SEMA4C: variants seen among roughly 807,000 people sequenced by gnomAD.
SEMA4C encodes semaphorin-4C.
In SEMA4C, 19 loss-of-function variants were observed where a neutral mutation model predicts 89.0. That is an observed-to-expected ratio of 0.21 (90% CI 0.15 to 0.31). SEMA4C has a LOEUF of 0.31. Ranked by LOEUF, SEMA4C falls within the 10% of genes least tolerant of loss-of-function variation. The pLI is 1.00. For missense variants in SEMA4C, 811 were observed against 1,107.0 expected (o/e 0.73, Z 3.79); for synonymous variants, 428 against 472.7 (o/e 0.91, Z 1.23).
intron 1 of SEMA4C, chr2:96,868,933 G>A (rs1386655342): frequency 2.0e-6 from 2 of 985,408 alleles, no homozygotes; most frequent in African/African-American, 1.7e-5. Flanking sequence ...CGTGCCAGGG[G>A]CGGAGACGCA....
chr2:96,866,357 T>A lies in SEMA4C; in HGVS notation c.184A>T (p.Thr62Ser). ...CGGGCGCCCACGTACAGAAGCCCAG[T>A]GGGCTCCGTCAGCGTCAGTGTCAGG... ...DFLTLTLTEP[T>S]GLLYVGAREA... Residue 62 changes from threonine (T) to serine (S), a missense_variant, in exon 3 of 15, where the codon ACT (threonine) becomes TCT (serine). Thr to Ser is a moderately conservative substitution (Grantham distance 58, BLOSUM62 1). Coordinates refer to ENST00000305476, the MANE Select transcript of SEMA4C (RefSeq NM_017789.5). 1 of 1,613,942 alleles carries A rather than the reference T, an allele frequency of 6.2e-7. No homozygotes were observed. The highest frequency in any genetic ancestry group is 8.5e-7 in the Non-Finnish European group (1 of 1,180,018).
chr2:96,866,471 G>T, intron 2 of SEMA4C, 40 bp from the exon 3 acceptor site: 1 of 1,613,422 alleles, frequency 6.2e-7, no homozygotes, highest in South Asian at 1.1e-5. Context: ...CAGGACCCCT[G>T]GGGCTCGACA....
Position 96,861,309 on chromosome 2 carries a change from C to A in SEMA4C, c.1819G>T (p.Ala607Ser). ...AEQPGSFLYD[A>S]RLQALVVMAA... is the part of the protein sequence containing the mutation. The stretch of plus-strand genomic sequence containing the variant: ...ATCACAACCAGGGCCTGGAGCCGGG[C>A]ATCGTAGAGGAAGGACCCGGGCTGT... The change falls in exon 15 of 15, where the codon GCC (alanine) becomes TCC (serine). Residue 607 changes from alanine to serine, a missense_variant. Coordinates refer to ENST00000305476, the MANE Select transcript of SEMA4C (RefSeq NM_017789.5). This position sits in a 1 kb window ranked among gnomAD's most constrained non-coding sequence, Gnocchi z 7.8. The A allele has an allele frequency of 2.5e-6, 4 of 1,607,626 alleles. No homozygotes were observed. Among genetic ancestry groups the A allele is most frequent in the Non-Finnish European group, 3.4e-6 (4 of 1,179,896 alleles).
At chr2:96,868,755 G>A in intron 1 of SEMA4C, 3 of 985,010 alleles carry the variant, frequency 3.0e-6, no homozygotes, top group African/African-American at 3.5e-5. Context: ...GGGAGGTAGG[G>A]GCGGGGACGC....
chr2:96,866,104 C>T (rs891953439), intron 3 of SEMA4C, among the ~76,000 whole-genome samples, 175 bp from the exon 4 acceptor site: 2 of 152,222 alleles, frequency 1.3e-5, no homozygotes, highest in Admixed American at 6.5e-5. Flanking sequence ...ACACAGAATT[C>T]AGTAAGTGCC....
In SEMA4C at chr2:96,861,112, C is replaced by T; in HGVS notation, c.2016G>A (p.Leu672=). The T allele has an allele frequency of 6.2e-7, 1 of 1,611,974 alleles. No homozygotes were observed. The highest frequency in any genetic ancestry group is 1.1e-5 in the South Asian group (1 of 91,060). Residue 672 remains leucine, a synonymous_variant, in exon 15 of 15, where the codon CTG becomes CTA. Coordinates refer to ENST00000305476, the MANE Select transcript of SEMA4C (RefSeq NM_017789.5). The surrounding 1 kb of genome is among the most constrained non-coding windows in gnomAD (Gnocchi z 7.8). The part of the protein sequence containing the change: ...LGLVWLAVVA[L]GAVCLVLLLL... ...GCAGCAGCACCAGGCACACAGCCCC[C>T]AGGGCCACCACCGCCAGCCACACCA...
chr2:96,861,836 A>C lies in SEMA4C; in HGVS notation c.1502T>G (p.Met501Arg), dbSNP rs754297211. 6.2e-7 allele frequency: 1 copy of C among 1,612,750 alleles called. No individual in the cohort carries two copies. Among genetic ancestry groups the C allele is most frequent in the Non-Finnish European group, 8.5e-7 (1 of 1,179,934 alleles). Residue 501 changes from methionine to arginine, a missense_variant, in exon 13 of 15, where the codon ATG becomes AGG. Physicochemically the swap from Met to Arg is moderately conservative, Grantham distance 91. Around this residue, in one of 4 missense-constraint regions of SEMA4C, gnomAD observed 441 missense variants for 664.9 expected, o/e 0.66. Transcript: ENST00000305476. This position sits in a 1 kb window ranked among gnomAD's most constrained non-coding sequence, Gnocchi z 7.8. ...QLVQLPVADC[M>R]KYRSCADCVL... ...ACAGTCTGCACAGGAGCGATACTTC[A>C]TGCAGTCGGCCACGGGCAGCTGCAC...
Position 96,864,689 on chromosome 2 carries a change from G to T in SEMA4C, c.962+16C>A. The T allele has an allele frequency of 6.3e-7, 1 of 1,593,000 alleles. No homozygotes were observed. The highest frequency in any genetic ancestry group is 8.6e-7 in the Non-Finnish European group (1 of 1,166,624). ...CCCAGCTCCTCCCCACTCTGTGGGA[G>T]CCCTGGCCAACTCACCACTGTGCTT... On this transcript the variant is annotated intron_variant, in intron 9 of 14. Transcript: ENST00000305476. The surrounding 1 kb of genome is among the most constrained non-coding windows in gnomAD (Gnocchi z 6.3).
chr2:96,862,572 T>C (rs1179467532), intron 12 of SEMA4C: 1 of 151,912 alleles, frequency 6.6e-6, no homozygotes, highest in Non-Finnish European at 1.5e-5. Context: ...ATACAAAAAT[T>C]AGCCGGCTGG....
Position 96,863,812 on chromosome 2 carries a change from G to A in SEMA4C, c.1331-18C>T. 6.2e-7 allele frequency: 1 copy of A among 1,612,682 alleles called. No homozygotes were observed. Among genetic ancestry groups the A allele is most frequent in the South Asian group, 1.1e-5 (1 of 91,058 alleles). On this transcript the variant is annotated intron_variant, in intron 11 of 14. Transcript: ENST00000305476. The stretch of plus-strand genomic sequence containing the variant: ...GCCGTCTCCTGGGGGGTGCAGAGGA[G>A]AAGGTGTAAATGAGAGGGCACAAGG...
rs776406167 is a variant in SEMA4C, at chr2:96,867,866, G to C, written c.21C>G (p.Val7=). MAPHWA[V]WLLAARLWGL... is the part of the protein sequence containing the mutation. The stretch of plus-strand genomic sequence containing the variant: ...CCCACAGCCTTGCTGCCAGCAGCCA[G>C]ACAGCCCAGTGTGGGGCCATGGCGC... The change falls in exon 2 of 15, where the codon GTC becomes GTG. Residue 7 remains valine (V), a synonymous_variant. Transcript: ENST00000305476. 1.9e-6 allele frequency: 3 copies of C among 1,613,642 alleles called. No individual in the cohort carries two copies. Among genetic ancestry groups the C allele is most frequent in the Non-Finnish European group, 2.5e-6 (3 of 1,180,008 alleles).
chr2:96,866,632 A>T (rs1480360669), intron 2 of SEMA4C: 4 of 722,196 alleles, frequency 5.5e-6, no homozygotes, highest in Middle Eastern at 4.5e-4. Context: ...GCCTGGGAGG[A>T]GGCAAATCCA....
Position 96,861,950 on chromosome 2 carries a change from G to T in SEMA4C, c.1444-56C>A, listed in dbSNP as rs2079956406. ...TCGGCCAGGGCCACACCACGGGAGG[G>T]GCGGCCGGACCAGAACGCAGCATGG... On this transcript the variant is annotated intron_variant, in intron 12 of 14. Coordinates refer to ENST00000305476, the MANE Select transcript of SEMA4C (RefSeq NM_017789.5). This position sits in a 1 kb window ranked among gnomAD's most constrained non-coding sequence, Gnocchi z 7.8. 1 of 1,543,728 alleles carries T rather than the reference G, an allele frequency of 6.5e-7. No individual in the cohort carries two copies. Among genetic ancestry groups the T allele is most frequent in the East Asian group, 2.4e-5 (1 of 41,814 alleles).
rs930127228 is a variant in SEMA4C, at chr2:96,861,096, C to A, written c.2032G>T (p.Val678Leu). Residue 678 changes from valine to leucine, a missense_variant, in exon 15 of 15, where the codon GTG becomes TTG. Around this residue, in one of 4 missense-constraint regions of SEMA4C, gnomAD observed 248 missense variants for 269.0 expected, o/e 0.92. Coordinates refer to ENST00000305476, the MANE Select transcript of SEMA4C (RefSeq NM_017789.5). This position sits in a 1 kb window ranked among gnomAD's most constrained non-coding sequence, Gnocchi z 7.8. Reference sequence around the variant, plus strand: ...AATGACAGCACCAGCAGCAGCAGCACCAGGCACACAGCCCCCAGGGCCACC... The same window carrying A: ...AATGACAGCACCAGCAGCAGCAGCAACAGGCACACAGCCCCCAGGGCCACC... Reference protein sequence around the residue: ...AVVALGAVCLVLLLLVLSLRR... With the variant: ...AVVALGAVCLLLLLLVLSLRR... The A allele has an allele frequency of 6.2e-7, 1 of 1,612,360 alleles. No homozygotes were observed. The highest frequency in any genetic ancestry group is 1.7e-5 in the Admixed American group (1 of 59,998).
At position 96,863,941 on chromosome 2, in the gene SEMA4C, G is replaced by A; in HGVS notation, c.1315C>T (p.Leu439=). 2.5e-6 allele frequency: 4 copies of A among 1,611,894 alleles called. No individual in the cohort carries two copies. The highest frequency in any genetic ancestry group is 3.4e-6 in the Non-Finnish European group (4 of 1,178,926). ...ATGCACCCACCTGTGCCAATGAACA[G>A]CACTGTATAGGTGGCTCCATCAAGT... The part of the protein sequence containing the change: ...TGLDGATYTV[L]FIGTGDGWLL... The change falls in exon 11 of 15, where the codon CTG becomes TTG. Residue 439 remains leucine, a synonymous_variant. Coordinates refer to ENST00000305476, the MANE Select transcript of SEMA4C (RefSeq NM_017789.5).
At chr2:96,863,054 A>T (rs1440897311) in intron 12 of SEMA4C, 1 of 170,470 alleles carries the variant, frequency 5.9e-6, no homozygotes, top group African/African-American at 2.4e-5. Flanking sequence ...ACAAAAACAA[A>T]AAACCTTTAG....
Position 96,860,976 on chromosome 2 carries a change from G to C in SEMA4C, c.2152C>G (p.Pro718Ala). ...PLELPKEPTS[P>A]PFRPCPEPDE... ...GGTTCAGGACAGGGCCGGAAGGGGGGACTGGTGGGCTCCTTGGGCAGCTCC... is the reference window on the plus strand; with the variant it reads ...GGTTCAGGACAGGGCCGGAAGGGGGCACTGGTGGGCTCCTTGGGCAGCTCC... Residue 718 changes from proline (P) to alanine (A), a missense_variant, in exon 15 of 15, where the codon CCC (proline) becomes GCC (alanine). Transcript: ENST00000305476. The C allele has an allele frequency of 6.2e-7, 1 of 1,612,982 alleles. No individual in the cohort carries two copies. The highest frequency in any genetic ancestry group is 8.5e-7 in the Non-Finnish European group (1 of 1,180,006).
At chr2:96,863,861 C>G in intron 11 of SEMA4C, 65 bp downstream of exon 11, 5 of 1,600,392 alleles carry the variant, frequency 3.1e-6, no homozygotes, top group Non-Finnish European at 3.4e-6. Context: ...CCAAATCTCC[C>G]TGCCCTGGGC....
Position 96,866,415 on chromosome 2 carries a change from T to A in SEMA4C, c.126A>T (p.Val42=). ...TVSSGELATV[V]RRFSQTGIQD... ...GGATGCCGGTCTGGGAGAACCGCCG[T>A]ACTACCGTGGCCAGCTCTGCAGGGG... The change falls in exon 3 of 15, where the codon GTA becomes GTT. Residue 42 remains valine (V), a synonymous_variant. Transcript: ENST00000305476. The A allele has an allele frequency of 1.9e-6, 3 of 1,613,972 alleles. No homozygotes were observed. The highest frequency in any genetic ancestry group is 4.5e-5 in the East Asian group (2 of 44,880).
Sources: gnomAD v4.1 joint callset for allele counts (sites outside exome capture counted in the v4.1 genomes callset) on GRCh38, gnomAD v4.1.1 for gene constraint, gnomAD v4.1.1 regional missense constraint, Gnocchi (gnomAD v3.1) non-coding constraint, MANE v1.5 for transcripts, NCBI Gene and HGNC (gene_info 2026-07-23, HGNC 2026-07-21) for gene names.